The following DNAJB6 variants were observed in gnomAD, a reference collection of about 807,000 sequenced individuals.
The protein encoded by DNAJB6 is DnaJ heat shock protein family (Hsp40) member B6.
In DNAJB6, 16 loss-of-function variants were observed where a neutral mutation model predicts 42.7. The observed-to-expected ratio is 0.37, with a 90% confidence interval of 0.25 to 0.57. The LOEUF is 0.57. DNAJB6 is among the 20% of genes least tolerant of loss of function. The pLI, the probability that DNAJB6 is intolerant of heterozygous loss-of-function variation, is 0.74. For synonymous variants in DNAJB6, 170 were observed against 163.5 expected, an observed-to-expected ratio of 1.04 and a Z score of -0.30; for missense variants, 347 against 416.8, an observed-to-expected ratio of 0.83 and a Z score of 1.46.
intron 1 of DNAJB6, among the ~76,000 whole-genome samples, chr7:157,352,518 C>T (rs1007729398): frequency 2.6e-5 from 4 of 151,630 alleles, no homozygotes; most frequent in Non-Finnish European, 5.9e-5. Flanking sequence ...ATTTGGAGGT[C>T]CTTTGACTAT....
intron 1 of DNAJB6, among the ~76,000 whole-genome samples, chr7:157,345,672 G>A (rs1396262492): frequency 6.6e-6 from 1 of 152,024 alleles, no homozygotes; most frequent in Non-Finnish European, 1.5e-5. Flanking sequence ...GCTTTTGGGG[G>A]TCATATCCAA....
intron 8 of DNAJB6, among the ~76,000 whole-genome samples, chr7:157,393,301 G>A (rs1419615594): frequency 6.6e-6 from 1 of 152,082 alleles, no homozygotes; most frequent in Admixed American, 6.6e-5. Flanking sequence ...AAAAGAATTG[G>A]AATATCATAT....
At chr7:157,356,096 A>G (rs1041787876) in intron 1 of DNAJB6, among the ~76,000 whole-genome samples, 3 of 152,168 alleles carry the variant, frequency 2.0e-5, no homozygotes, top group Non-Finnish European at 2.9e-5. Context: ...CTCTTGCTAT[A>G]TATAGTGCTC....
intron 9 of DNAJB6, chr7:157,412,726 G>T (rs1796012567): frequency 6.6e-6 from 1 of 152,194 alleles, no homozygotes; most frequent in Non-Finnish European, 1.5e-5. Flanking sequence ...AGTATTGATG[G>T]CCCCCACTTT....
chr7:157,344,512 CAAAA>C (rs879823551), intron 1 of DNAJB6, among the ~76,000 whole-genome samples: 1 of 133,154 alleles, frequency 7.5e-6, no homozygotes, highest in African/African-American at 2.8e-5. Context: ...GACTCAAACT[CAAAA>C]AAAAAAAAAA....
At position 157,417,361 on chromosome 7, in the gene DNAJB6, C is replaced by G. The variant is rs558484696; in HGVS notation, c.*1263C>G. 1.3e-5 allele frequency: 2 copies of G among 152,180 alleles called. No homozygotes were observed. The highest frequency in any genetic ancestry group is 2.9e-5 in the Non-Finnish European group (2 of 68,034). 9.4% of individuals were successfully genotyped at this position (152,180 alleles called of 1,614,324 possible). A position where few individuals can be genotyped will look rare whatever the true frequency, so the allele number is the denominator to read the frequency against. ...GGAGAGGAGTGGTATTTGATGCTTT[C>G]TGTGGACAATGTAACCCTAAACACA... On this transcript the variant is annotated 3_prime_UTR_variant, in exon 10 of 10. Coordinates refer to ENST00000262177, the MANE Select transcript of DNAJB6 (RefSeq NM_058246.4).
intron 8 of DNAJB6, among the ~76,000 whole-genome samples, chr7:157,396,276 T>G (rs1281171105): frequency 1.3e-5 from 2 of 152,144 alleles, no homozygotes; most frequent in Non-Finnish European, 2.9e-5. Context: ...ATTTAATGAT[T>G]AAGTGGGCAA....
rs116318868 is a variant in DNAJB6, at chr7:157,357,456, T to C, written c.-26-1091T>C. Reference sequence around the variant, plus strand: ...CCTCCCGAGTAGCTGGGACTACAGGTGTGCACCACGATGCCGGCTAATTTT... The same window carrying C: ...CCTCCCGAGTAGCTGGGACTACAGGCGTGCACCACGATGCCGGCTAATTTT... On this transcript the variant is annotated intron_variant, in intron 1 of 9. Transcript: ENST00000262177. Among the ~76,000 whole-genome samples the C allele has an allele frequency of 4.2e-3, 627 of 150,404 alleles. 5 individuals carry two copies. The highest frequency in any genetic ancestry group is 0.015 in the African/African-American group (597 of 41,002).
intron 1 of DNAJB6, among the ~76,000 whole-genome samples, chr7:157,355,133 G>A (rs891506032): frequency 1.4e-4 from 21 of 152,164 alleles, no homozygotes; most frequent in African/African-American, 4.6e-4. Context: ...TGAGCCTTTA[G>A]CGTTCCCGTA....
intron 1 of DNAJB6, among the ~76,000 whole-genome samples, chr7:157,348,256 C>T (rs998073337): frequency 2.0e-5 from 3 of 151,362 alleles, no homozygotes; most frequent in South Asian, 4.2e-4. Flanking sequence ...CCTTGCCCAG[C>T]TAATTTTTTG....
chr7:157,408,107 G>A (rs938602747), intron 8 of DNAJB6, among the ~76,000 whole-genome samples: 1 of 152,142 alleles, frequency 6.6e-6, no homozygotes, highest in Non-Finnish European at 1.5e-5. Flanking sequence ...CCCGGGCTAG[G>A]TGACCCCTCT....
intron 9 of DNAJB6, chr7:157,413,285 T>C (rs147607243): frequency 2.7e-4 from 41 of 152,288 alleles, no homozygotes; most frequent in African/African-American, 8.9e-4. Context: ...GTAAAATTAC[T>C]GAACAGGAAA....
intron 9 of DNAJB6, 73 bp downstream of exon 9, chr7:157,410,074 A>G (rs1795920293): frequency 6.8e-7 from 1 of 1,465,354 alleles, no homozygotes; most frequent in East Asian, 2.5e-5. Flanking sequence ...CAGCGAGGAC[A>G]CAAACCGCGC....
intron 5 of DNAJB6, chr7:157,368,916 G>A (rs572500068): frequency 9.6e-6 from 2 of 208,636 alleles, no homozygotes; most frequent in Admixed American, 1.1e-4. Flanking sequence ...CCGCAGGCAC[G>A]AAGAAGCATA....
intron 6 of DNAJB6, 95 bp downstream of exon 6, chr7:157,382,472 T>G (rs1302734441): frequency 7.4e-7 from 1 of 1,357,592 alleles, no homozygotes; most frequent in Non-Finnish European, 9.9e-7. Context: ...TTAAAATATG[T>G]GTATACCTTT....
chr7:157,344,572 C>T (rs1327412523), intron 1 of DNAJB6, among the ~76,000 whole-genome samples: 1 of 151,874 alleles, frequency 6.6e-6, no homozygotes, highest in Non-Finnish European at 1.5e-5. Context: ...ACGCAAATTC[C>T]CTTCCAGCCT....
chr7:157,383,611 TTGTGTGTGTGTGTGTGTG>T lies in DNAJB6; in HGVS notation c.479-1241_479-1224del, dbSNP rs57002445. The stretch of plus-strand genomic sequence containing the variant: ...TAATCAGTGGCTCCTGTATGTGTGT[TTGTGTGTGTGTGTGTGTG>T]TGTGTGTGTGTGTGGTGGGGGTGTA... On this transcript the variant is annotated intron_variant, in intron 6 of 9. Transcript: ENST00000262177. Among the ~76,000 whole-genome samples the T allele has an allele frequency of 6.4e-3, 960 of 149,678 alleles. 10 individuals are homozygous for T. Among genetic ancestry groups the T allele is most frequent in the African/African-American group, 0.022 (874 of 40,630 alleles).
At chr7:157,359,466 G>C (rs1799470137) in intron 2 of DNAJB6, among the ~76,000 whole-genome samples, 1 of 152,100 alleles carries the variant, frequency 6.6e-6, no homozygotes, top group Non-Finnish European at 1.5e-5. Flanking sequence ...TCTTGCCTTG[G>C]CCTCCCAGAT....
At chr7:157,371,816 T>G (rs1800224202) in intron 5 of DNAJB6, among the ~76,000 whole-genome samples, 1 of 152,250 alleles carries the variant, frequency 6.6e-6, no homozygotes, top group Admixed American at 6.5e-5. Flanking sequence ...CTGATAATAG[T>G]GCCTTTTGAT....
Sources: allele counts gnomAD v4.1 joint callset (sites outside exome capture counted in the v4.1 genomes callset), GRCh38; gene constraint gnomAD v4.1.1; transcripts MANE v1.5; gene names NCBI Gene and HGNC (gene_info 2026-07-23, HGNC 2026-07-21).